The following ADAMTSL1 variants were observed in gnomAD, a reference collection of about 807,000 sequenced individuals.
ADAMTSL1 encodes the protein ADAMTS-like protein 1.
In ADAMTSL1, 126 loss-of-function variants were observed where a neutral mutation model predicts 201.8. The ratio of observed to expected loss-of-function variants is 0.62; its 90% confidence interval spans 0.54 to 0.72. The LOEUF (loss-of-function observed/expected upper bound fraction) is 0.72. Ranked by LOEUF, ADAMTSL1 falls within the 30% of genes least tolerant of loss-of-function variation. The pLI, the probability that ADAMTSL1 is intolerant of heterozygous loss-of-function variation, is 0.00. For missense variants in ADAMTSL1, 2,679 were observed against 2,277.8 expected (o/e 1.18, Z -3.59); for synonymous variants, 1,121 against 903.4 (o/e 1.24, Z -4.32).
At chr9:18,674,418 C>A (rs1157047583) in intron 9 of ADAMTSL1, among the ~76,000 whole-genome samples, 1 of 151,792 alleles carries the variant, frequency 6.6e-6, no homozygotes. Flanking sequence ...CTCATGTATC[C>A]CCTAACCTTT....
intron 2 of ADAMTSL1, among the ~76,000 whole-genome samples, chr9:18,368,943 T>C (rs1836911027): frequency 6.6e-6 from 1 of 152,240 alleles, no homozygotes; most frequent in Admixed American, 6.5e-5. Flanking sequence ...ATGTGTTCTT[T>C]ATACTTTGCC....
intron 14 of ADAMTSL1, among the ~76,000 whole-genome samples, chr9:18,710,598 TG>T (rs561651789): frequency 2.0e-5 from 3 of 151,874 alleles, no homozygotes; most frequent in African/African-American, 7.2e-5. Context: ...AGGAGATTAT[TG>T]GTGTCTTTCT....
rs142566697 is a variant in ADAMTSL1, at chr9:18,344,440, A to G, written c.208-160389A>G. Among the ~76,000 whole-genome samples, 813 of 152,016 alleles carry G rather than the reference A, an allele frequency of 5.3e-3. 9 individuals carry two copies. Among genetic ancestry groups the G allele is most frequent in the African/African-American group, 0.019 (783 of 41,462 alleles). On this transcript the variant is annotated intron_variant, in intron 2 of 29. Transcript: ENST00000680146. ...CCAAAGCACTGTTTTTTGTTTTTTC[A>G]TTAGGGGCACCTGGCCTTAATTATT...
intron 1 of ADAMTSL1, among the ~76,000 whole-genome samples, chr9:17,932,885 T>C (rs1287863337): frequency 6.6e-6 from 1 of 152,132 alleles, no homozygotes; most frequent in Non-Finnish European, 1.5e-5. Context: ...ACCAGATATA[T>C]GATTATTTCT....
intron 2 of ADAMTSL1, among the ~76,000 whole-genome samples, chr9:18,343,064 A>C (rs764534467): frequency 6.6e-6 from 1 of 151,332 alleles, no homozygotes; most frequent in Non-Finnish European, 1.5e-5. Context: ...AGTAACTCAC[A>C]CCTGCAGTCT....
chr9:17,976,668 C>T (rs1003572106), intron 1 of ADAMTSL1, among the ~76,000 whole-genome samples: 1 of 151,658 alleles, frequency 6.6e-6, no homozygotes, highest in South Asian at 2.1e-4. Context: ...TCTCTCTCCA[C>T]TCTCTCTTTC....
intron 2 of ADAMTSL1, among the ~76,000 whole-genome samples, chr9:18,366,739 T>C (rs1236004265): frequency 7.0e-6 from 1 of 143,298 alleles, no homozygotes; most frequent in African/African-American, 2.6e-5. Flanking sequence ...AACCTCTGCC[T>C]CCCGAGTAGC....
chr9:17,947,312 TACACACACAC>T (rs34840423), intron 1 of ADAMTSL1, among the ~76,000 whole-genome samples: 6 of 143,318 alleles, frequency 4.2e-5, no homozygotes, highest in South Asian at 2.3e-4. Context: ...TATACACACA[TACACACACAC>T]ACACACACAC....
intron 2 of ADAMTSL1, among the ~76,000 whole-genome samples, chr9:18,253,256 C>T (rs1831537505): frequency 2.0e-5 from 3 of 152,204 alleles, no homozygotes; most frequent in South Asian, 2.1e-4. Flanking sequence ...GAAGGATGAA[C>T]ATCGGATGTT....
intron 26 of ADAMTSL1, among the ~76,000 whole-genome samples, chr9:18,900,938 A>C (rs1829981281): frequency 6.6e-6 from 1 of 152,128 alleles, no homozygotes; most frequent in African/African-American, 2.4e-5. Context: ...AAGAACTATC[A>C]AAGACTTGGT....
At chr9:18,698,756 A>T (rs917695853) in intron 13 of ADAMTSL1, among the ~76,000 whole-genome samples, 4 of 152,220 alleles carry the variant, frequency 2.6e-5, no homozygotes, top group African/African-American at 9.6e-5. Context: ...AATTATTTTG[A>T]ATGCCATTGG....
At chr9:18,197,548 G>A (rs547184826) in intron 2 of ADAMTSL1, among the ~76,000 whole-genome samples, 16 of 140,130 alleles carry the variant, frequency 1.1e-4, no homozygotes, top group South Asian at 5.1e-4. Flanking sequence ...AGACTTTGCT[G>A]AAGTTGCTTA....
intron 2 of ADAMTSL1, among the ~76,000 whole-genome samples, chr9:18,345,960 C>T (rs1352473124): frequency 2.0e-5 from 3 of 152,102 alleles, no homozygotes; most frequent in Non-Finnish European, 2.9e-5. Context: ...CTGCAGCCCA[C>T]TCTGTAGCAG....
In ADAMTSL1 at chr9:18,577,596, T is replaced by A. The variant is rs368934827; in HGVS notation, c.474+3330T>A. 1.9e-4 allele frequency among the ~76,000 whole-genome samples: 29 copies of A among 152,296 alleles called. 1 individual carries two copies. Among genetic ancestry groups the A allele is most frequent in the African/African-American group, 6.5e-4 (27 of 41,562 alleles). On this transcript the variant is annotated intron_variant, in intron 4 of 28. Transcript: ENST00000380548. ...GCTCCATTTTTCAATCTGTGGAAAA[T>A]GAATTGTCTCCTAGACCATAGTGTA...
At chr9:17,920,239 A>G (rs1826253633) in intron 1 of ADAMTSL1, among the ~76,000 whole-genome samples, 1 of 152,160 alleles carries the variant, frequency 6.6e-6, no homozygotes, top group Non-Finnish European at 1.5e-5. Context: ...AGGCATAATA[A>G]CAATCAGAGT....
At chr9:18,414,984 G>C (rs904697617) in intron 2 of ADAMTSL1, among the ~76,000 whole-genome samples, 5 of 152,156 alleles carry the variant, frequency 3.3e-5, no homozygotes, top group African/African-American at 1.2e-4. Flanking sequence ...CCTCAATCAT[G>C]GGGAATAATT....
chr9:17,925,943 C>G (rs992255800), intron 1 of ADAMTSL1, among the ~76,000 whole-genome samples: 3 of 151,920 alleles, frequency 2.0e-5, no homozygotes, highest in Non-Finnish European at 4.4e-5. Context: ...CCTTCTCTCC[C>G]CAAGCGCAAT....
intron 23 of ADAMTSL1, among the ~76,000 whole-genome samples, chr9:18,858,189 T>TC (rs1554649554): frequency 1.4e-4 from 1 of 7,006 alleles, no homozygotes; most frequent in Non-Finnish European, 2.7e-4. Flanking sequence ...CAGGATTTAT[T>TC]TTTTTCTTCT....
intron 9 of ADAMTSL1, among the ~76,000 whole-genome samples, chr9:18,665,831 A>T (rs776141347): frequency 6.6e-6 from 1 of 152,082 alleles, no homozygotes; most frequent in Non-Finnish European, 1.5e-5. Context: ...TTATGTTTTC[A>T]TGGCTTTTTT....
Sources: gnomAD v4.1 joint callset for allele counts (sites outside exome capture counted in the v4.1 genomes callset) on GRCh38, gnomAD v4.1.1 for gene constraint, MANE v1.5 for transcripts, NCBI Gene and HGNC (gene_info 2026-07-23, HGNC 2026-07-21) for gene names.